The following FMN2 variants were observed in gnomAD, a reference collection of about 807,000 sequenced individuals.
FMN2 encodes the protein formin-2.
FMN2 carries 51 observed loss-of-function variants against 142.3 expected under a neutral mutation model. The observed-to-expected ratio is 0.36, with a 90% CI of 0.29 to 0.45. The LOEUF (loss-of-function observed/expected upper bound fraction) is 0.45, where lower values mean the gene tolerates loss of function less well. Among genes scored for constraint, FMN2 ranks in the 20% least tolerant of loss-of-function variants. The pLI, the probability that FMN2 is intolerant of heterozygous loss-of-function variation, is 1.00. For missense variants in FMN2, 1,936 were observed against 2,122.8 expected (o/e 0.91, Z 1.73); for synonymous variants, 882 against 869.8 (o/e 1.01, Z -0.25).
chr1:240,324,201 T>A (rs73124130), intron 8 of FMN2, among the ~76,000 whole-genome samples: 1 of 152,202 alleles, frequency 6.6e-6, no homozygotes, highest in Non-Finnish European at 1.5e-5. Flanking sequence ...GATCTCCCCA[T>A]CTGGACATTC....
chr1:240,165,440 G>A (rs953312910), intron 2 of FMN2, among the ~76,000 whole-genome samples: 3 of 151,776 alleles, frequency 2.0e-5, no homozygotes, highest in African/African-American at 7.3e-5. Flanking sequence ...CCTCCCAAAA[G>A]TGTTGGCATG....
chr1:240,328,610 A>G (rs1163227085), intron 8 of FMN2, among the ~76,000 whole-genome samples: 2 of 147,538 alleles, frequency 1.4e-5, no homozygotes, highest in Admixed American at 1.4e-4. Flanking sequence ...TTTATTTGAG[A>G]CAAGAGTCTT....
intron 14 of FMN2, among the ~76,000 whole-genome samples, chr1:240,356,918 G>A (rs1672291421): frequency 6.6e-6 from 1 of 152,154 alleles, no homozygotes; most frequent in Non-Finnish European, 1.5e-5. Context: ...ACAGAACTCT[G>A]GTGAAATTCA....
At chr1:240,198,231 T>A (rs1378439838) in intron 4 of FMN2, among the ~76,000 whole-genome samples, 1 of 152,218 alleles carries the variant, frequency 6.6e-6, no homozygotes, top group South Asian at 2.1e-4. Flanking sequence ...CTTCTCAATA[T>A]GTGAGCAGGA....
intron 16 of FMN2, chr1:240,472,143 AT>A: frequency 2.2e-6 from 1 of 452,480 alleles, no homozygotes; most frequent in Non-Finnish European, 3.9e-6. Context: ...ATATTACTCC[AT>A]TCAATCATAC....
chr1:240,188,224 T>G lies in FMN2; in HGVS notation c.1948T>G (p.Ser650Ala). The G allele has an allele frequency of 6.2e-7, 1 of 1,613,976 alleles. No individual in the cohort carries two copies. The highest frequency in any genetic ancestry group is 1.1e-5 in the South Asian group (1 of 91,066). Residue 650 changes from serine (S) to alanine (A), a missense_variant, in exon 4 of 18, where the codon TCA (serine) becomes GCA (alanine). Coordinates refer to ENST00000319653, the MANE Select transcript of FMN2 (RefSeq NM_020066.5). ...CAATCTAGAATCTCAATCTGCTGTTTCAGAAACTCCCCAAAAACGCTCAGA... is the reference window on the plus strand; with the variant it reads ...CAATCTAGAATCTCAATCTGCTGTTGCAGAAACTCCCCAAAAACGCTCAGA... ...DAETESQSAV[S>A]ETPQKRSDAV... is the part of the protein sequence containing the mutation.
chr1:240,209,476 C>G (rs998406555), intron 5 of FMN2, among the ~76,000 whole-genome samples: 8 of 150,568 alleles, frequency 5.3e-5, no homozygotes, highest in African/African-American at 1.7e-4. Flanking sequence ...GATGGTTTCC[C>G]ATCTCCTGAC....
At chr1:240,254,858 G>A (rs905571928) in intron 6 of FMN2, among the ~76,000 whole-genome samples, 2 of 152,132 alleles carry the variant, frequency 1.3e-5, no homozygotes, top group African/African-American at 2.4e-5. Flanking sequence ...GGGCTATTGG[G>A]CCCCAGGCCA....
rs1351362401 is a variant in FMN2 at position 240,474,754 on chromosome 1, C to T, written c.*600C>T. 2 of 152,306 alleles carry T rather than the reference C, an allele frequency of 1.3e-5. No individual in the cohort carries two copies. Among genetic ancestry groups the T allele is most frequent in the Admixed American group, 6.5e-5 (1 of 15,270 alleles). 9.4% of individuals were successfully genotyped at this position (152,306 alleles called of 1,614,324 possible). A position where few individuals can be genotyped will look rare whatever the true frequency, so the allele number is the denominator to read the frequency against. ...AGTCATATAATGACTTGGGTCAGCT[C>T]GTAATGCATTGTGATGGTTTTGTAT... is the stretch of plus-strand genomic sequence containing the variant. On this transcript the variant is annotated 3_prime_UTR_variant, in exon 18 of 18. Transcript: ENST00000319653.
chr1:240,284,179 T>G (rs769887187), intron 7 of FMN2, among the ~76,000 whole-genome samples: 1 of 152,230 alleles, frequency 6.6e-6, no homozygotes, highest in Non-Finnish European at 1.5e-5. Context: ...TTTTACTTAC[T>G]GCTGAAAACA....
At chr1:240,272,272 G>C (rs997631091) in intron 7 of FMN2, among the ~76,000 whole-genome samples, 1 of 152,102 alleles carries the variant, frequency 6.6e-6, no homozygotes, top group African/African-American at 2.4e-5. Context: ...ATGCATGGAG[G>C]TAGAGCCCAA....
chr1:240,210,225 T>C (rs2103400561), intron 5 of FMN2, among the ~76,000 whole-genome samples: 1 of 152,298 alleles, frequency 6.6e-6, no homozygotes. Flanking sequence ...GATACTTGGC[T>C]GTGGAATGTG....
intron 14 of FMN2, among the ~76,000 whole-genome samples, chr1:240,361,184 T>TATATATATATATATAA (rs1234608765): frequency 9.7e-6 from 1 of 102,752 alleles, no homozygotes; most frequent in Non-Finnish European, 2.2e-5. Context: ...TATATATATA[T>TATATATATATATATAA]AAAAGAGTTT....
intron 14 of FMN2, among the ~76,000 whole-genome samples, chr1:240,356,221 C>G (rs1672268744): frequency 6.6e-6 from 1 of 151,892 alleles, no homozygotes; most frequent in African/African-American, 2.4e-5. Context: ...CAATTCTGTG[C>G]TTTTTGTGAT....
At chr1:240,414,691 A>ATAT (rs1674519963) in intron 15 of FMN2, among the ~76,000 whole-genome samples, 1 of 152,196 alleles carries the variant, frequency 6.6e-6, no homozygotes, top group South Asian at 2.1e-4. Context: ...TAAATAGGAG[A>ATAT]TATTCACACT....
chr1:240,443,356 C>T (rs1675689372), intron 16 of FMN2, among the ~76,000 whole-genome samples: 1 of 152,040 alleles, frequency 6.6e-6, no homozygotes, highest in Non-Finnish European at 1.5e-5. Flanking sequence ...AGAAATCCTC[C>T]TTTTTTGAAA....
In FMN2 at chr1:240,201,886, G is replaced by A. The variant is rs917221443; in HGVS notation, c.1987-4913G>A. On this transcript the variant is annotated intron_variant, in intron 4 of 17. Coordinates refer to ENST00000319653, the MANE Select transcript of FMN2 (RefSeq NM_020066.5). ...TTATGGGAAGTTTGGAAGGTTTGAA[G>A]CATCTGTGTCTAAGGTGACACTTTT... 8.5e-5 allele frequency among the ~76,000 whole-genome samples: 13 copies of A among 152,276 alleles called. No individual in the cohort carries two copies. In the East Asian group the frequency reaches 2.5e-3, roughly 29 times the overall value.
intron 6 of FMN2, among the ~76,000 whole-genome samples, chr1:240,254,830 G>A (rs1406445466): frequency 2.0e-5 from 3 of 152,158 alleles, no homozygotes; most frequent in African/African-American, 7.2e-5. Flanking sequence ...GGGGAGCCCC[G>A]GGGATGTGGA....
intron 11 of FMN2, among the ~76,000 whole-genome samples, chr1:240,333,650 C>T (rs1165532316): frequency 6.6e-6 from 1 of 152,090 alleles, no homozygotes; most frequent in Non-Finnish European, 1.5e-5. Flanking sequence ...AAAGTATTTA[C>T]AGTTCAGACT....
Sources: allele counts gnomAD v4.1 joint callset (sites outside exome capture counted in the v4.1 genomes callset), GRCh38; gene constraint gnomAD v4.1.1; transcripts MANE v1.5; gene names NCBI Gene and HGNC (gene_info 2026-07-23, HGNC 2026-07-21).